Variants in NOL10 observed in about 807,000 individuals in gnomAD.
NOL10 encodes nucleolar protein 10, also known as H_NH0074G24.1.
Under a neutral mutation model 103.5 loss-of-function variants are expected in NOL10, and 58 were observed. The observed-to-expected ratio is 0.56, with a 90% confidence interval of 0.45 to 0.70. The LOEUF is 0.70. NOL10 is among the 30% of genes least tolerant of loss of function. The probability of loss-of-function intolerance (pLI) is 0.00; values close to 1 mark genes in which losing one functional copy is unlikely to be tolerated. For missense variants in NOL10, 763 were observed against 807.3 expected (o/e 0.95, Z 0.67); for synonymous variants, 287 against 282.5 (o/e 1.02, Z -0.16).
chr2:10,684,184 G>A (rs1254534434), intron 2 of NOL10, among the ~76,000 whole-genome samples: 1 of 151,818 alleles, frequency 6.6e-6, no homozygotes, highest in Non-Finnish European at 1.5e-5. Context: ...GCTGAGGCAG[G>A]AGAACTGCTT....
chr2:10,682,054 A>G lies in NOL10; in HGVS notation c.128T>C (p.Ile43Thr). ...CATTTCAAAGTCCTGAATAAGTTCAATTCTCCTACGGACATCTAAAAAGAG... is the reference window on the plus strand; with the variant it reads ...CATTTCAAAGTCCTGAATAAGTTCAGTTCTCCTACGGACATCTAAAAAGAG... ...QKKDVDVRRR[I>T]ELIQDFEMPT... Residue 43 changes from isoleucine to threonine, a missense_variant, in exon 3 of 21, where the codon ATT becomes ACT. Transcript: ENST00000381685. The G allele has an allele frequency of 6.6e-7, 1 of 1,507,216 alleles. No homozygotes were observed. The highest frequency in any genetic ancestry group is 1.4e-5 in the African/African-American group (1 of 71,420). The allele number at this position is 1,507,216 out of a possible 1,614,324, so 93.4% of individuals were successfully genotyped here.
intron 13 of NOL10, among the ~76,000 whole-genome samples, chr2:10,619,468 A>G (rs13428052): frequency 0.017 from 2,522 of 152,316 alleles, 68 homozygotes; most frequent in African/African-American, 0.058. Flanking sequence ...ACTGTAGTTT[A>G]AGTGTGTGAA....
At chr2:10,681,282 T>TA (rs36092643) in intron 3 of NOL10, among the ~76,000 whole-genome samples, 262 of 144,838 alleles carry the variant, frequency 1.8e-3, no homozygotes, top group African/African-American at 2.8e-3. Context: ...CTTTTGGTAA[T>TA]AAAAAAAAAA....
At chr2:10,676,594 C>T (rs1352930820) in intron 3 of NOL10, among the ~76,000 whole-genome samples, 2 of 150,778 alleles carry the variant, frequency 1.3e-5, no homozygotes, top group African/African-American at 2.4e-5. Context: ...CCATATAATA[C>T]GATCCCAATT....
At chr2:10,641,672 A>C (rs1206863033) in intron 13 of NOL10, among the ~76,000 whole-genome samples, 1 of 152,214 alleles carries the variant, frequency 6.6e-6, no homozygotes, top group Non-Finnish European at 1.5e-5. Flanking sequence ...CCCAAGCAAA[A>C]ACCGGGGTGT....
At chr2:10,640,813 G>C (rs1190608338) in intron 13 of NOL10, among the ~76,000 whole-genome samples, 1 of 152,108 alleles carries the variant, frequency 6.6e-6, no homozygotes, top group Non-Finnish European at 1.5e-5. Flanking sequence ...ATATAATAGA[G>C]GCAACTAAAA....
chr2:10,672,286 C>A (rs1405311933), intron 5 of NOL10, among the ~76,000 whole-genome samples: 1 of 152,032 alleles, frequency 6.6e-6, no homozygotes, highest in African/African-American at 2.4e-5. Flanking sequence ...GAGATTGTGC[C>A]GTTGAACTCC....
intron 1 of NOL10, among the ~76,000 whole-genome samples, chr2:10,685,503 CCCCCGCCA>C (rs1682119760): frequency 7.2e-5 from 1 of 13,906 alleles, no homozygotes; most frequent in African/African-American, 2.4e-4. Context: ...CCCCCCCCCC[CCCCCGCCA>C]AAAAAAAAGA....
rs1254162113 is a variant in NOL10 at position 10,615,312 on chromosome 2, CTGAAA to C, written c.1027-8006_1027-8002del. Among the ~76,000 whole-genome samples the C allele has an allele frequency of 8.5e-5, 13 of 152,070 alleles. No individual in the cohort carries two copies. In the East Asian group the frequency reaches 2.5e-3, roughly 29 times the overall value. Reference sequence around the variant, plus strand: ...AATATTTGAAAAGATAATTTAGGGACTGAAATGAAATAACAAGAAAAATAAGGCCA... The same window carrying C: ...AATATTTGAAAAGATAATTTAGGGACTGAAATAACAAGAAAAATAAGGCCA... On this transcript the variant is annotated intron_variant, in intron 13 of 20. Transcript: ENST00000381685.
At chr2:10,629,188 A>T (rs1044329140) in intron 13 of NOL10, among the ~76,000 whole-genome samples, 4 of 150,430 alleles carry the variant, frequency 2.7e-5, no homozygotes, top group Admixed American at 6.7e-5. Flanking sequence ...AAGCTAAATG[A>T]ACTTCTGACA....
At position 10,589,240 on chromosome 2, in the gene NOL10, C is replaced by T. The variant is rs754158556; in HGVS notation, c.1647G>A (p.Glu549=). The T allele has an allele frequency of 3.7e-6, 6 of 1,613,810 alleles. No homozygotes were observed. The highest frequency in any genetic ancestry group is 5.1e-6 in the Non-Finnish European group (6 of 1,179,888). The change falls in exon 19 of 21, where the codon GAG becomes GAA. Residue 549 remains glutamate, a synonymous_variant. Transcript: ENST00000381685. ...CCCAGGCTTTTTCATCATCTGAACT[C>T]TCCGAACTTTCTGCATCACTTGGTT... ...EGKPSDAESS[E]SSDDEKAWVE...
At chr2:10,619,153 T>G (rs2018512) in intron 13 of NOL10, among the ~76,000 whole-genome samples, 87,437 of 151,886 alleles carry the variant, frequency 0.58, 26,292 homozygotes, top group African/African-American at 0.74. Flanking sequence ...ATGTATGTAT[T>G]TATGTATTTA....
At chr2:10,623,393 T>C (rs1390209681) in intron 13 of NOL10, among the ~76,000 whole-genome samples, 1 of 152,088 alleles carries the variant, frequency 6.6e-6, no homozygotes, top group African/African-American at 2.4e-5. Flanking sequence ...TACAGGATGA[T>C]CTCCCTGATT....
chr2:10,580,746 C>T (rs1396797388), intron 19 of NOL10, among the ~76,000 whole-genome samples: 2 of 152,178 alleles, frequency 1.3e-5, no homozygotes, highest in Non-Finnish European at 2.9e-5. Flanking sequence ...CACGCGCACA[C>T]ACACATATTT....
intron 5 of NOL10, 122 bp from the exon 6 acceptor site, chr2:10,671,812 C>T (rs1680961102): frequency 3.0e-6 from 2 of 656,038 alleles, no homozygotes; most frequent in South Asian, 2.0e-5. Context: ...TGTATCTAAA[C>T]ACACATGTCC....
chr2:10,623,452 G>A (rs767540941), intron 13 of NOL10, among the ~76,000 whole-genome samples: 1 of 152,090 alleles, frequency 6.6e-6, no homozygotes, highest in Non-Finnish European at 1.5e-5. Context: ...AACGTCCTTC[G>A]AAATTTGAAT....
intron 3 of NOL10, among the ~76,000 whole-genome samples, chr2:10,679,881 A>C (rs1028381353): frequency 6.6e-6 from 1 of 152,104 alleles, no homozygotes; most frequent in Non-Finnish European, 1.5e-5. Flanking sequence ...TCAGCCTCCC[A>C]AAGTGCTGGG....
At chr2:10,601,510 G>C (rs1675975334) in intron 16 of NOL10, among the ~76,000 whole-genome samples, 1 of 152,050 alleles carries the variant, frequency 6.6e-6, no homozygotes, top group Non-Finnish European at 1.5e-5. Flanking sequence ...AGGGCACTGA[G>C]AGCCTCTTTC....
At chr2:10,656,911 TAAAATGA>T (rs1558328723) in intron 11 of NOL10, among the ~76,000 whole-genome samples, 2 of 152,222 alleles carry the variant, frequency 1.3e-5, no homozygotes, top group Non-Finnish European at 2.9e-5. Flanking sequence ...ACTTAGGTTT[TAAAATGA>T]AAAATGAAAA....
Sources: allele counts gnomAD v4.1 joint callset (sites outside exome capture counted in the v4.1 genomes callset), GRCh38; gene constraint gnomAD v4.1.1; transcripts MANE v1.5; gene names NCBI Gene and HGNC (gene_info 2026-07-23, HGNC 2026-07-21).